Variants in RUNX1T1 observed in about 807,000 individuals in gnomAD.
The protein encoded by RUNX1T1 is protein CBFA2T1.
RUNX1T1 carries 4 observed loss-of-function variants against 62.8 expected under a neutral mutation model. The observed-to-expected ratio is 0.06, with a 90% confidence interval of 0.03 to 0.15. The LOEUF (loss-of-function observed/expected upper bound fraction) is 0.15, where lower values mean the gene tolerates loss of function less well. RUNX1T1 is among the 10% of genes least tolerant of loss of function. The pLI is 1.00. For synonymous variants in RUNX1T1, 291 were observed against 286.0 expected (o/e 1.02, Z -0.18); for missense variants, 508 against 754.3 (o/e 0.67, Z 3.82).
At chr8:91,973,275 G>T (rs1036310186) in intron 9 of RUNX1T1, among the ~76,000 whole-genome samples, 3 of 151,732 alleles carry the variant, frequency 2.0e-5, no homozygotes, top group African/African-American at 7.3e-5. Flanking sequence ...AGAAGAGGAT[G>T]AAAGGGAGGA....
At chr8:92,100,417 TTAA>T (rs1250926643), upstream of RUNX1T1, among the ~76,000 whole-genome samples, 4 of 152,242 alleles carry the variant, frequency 2.6e-5, no homozygotes, top group African/African-American at 4.8e-5. Flanking sequence ...AATAAAATTA[TTAA>T]TGACTGAACA....
intron 1 of RUNX1T1, among the ~76,000 whole-genome samples, chr8:92,036,644 A>G (rs919548328): frequency 6.6e-6 from 1 of 152,232 alleles, no homozygotes; most frequent in African/African-American, 2.4e-5. Context: ...CTGAAGCCTA[A>G]TAAACCATTA....
chr8:92,089,240 C>G (rs1433263801), intron 1 of RUNX1T1, among the ~76,000 whole-genome samples: 1 of 152,140 alleles, frequency 6.6e-6, no homozygotes, highest in Non-Finnish European at 1.5e-5. Context: ...AAATTAGAAT[C>G]AAATCTCTAA....
chr8:92,103,104 G>T (rs1351191553), upstream of RUNX1T1: 1 of 416,552 alleles, frequency 2.4e-6, no homozygotes, highest in African/African-American at 2.1e-5. Flanking sequence ...CCCGGGGTCG[G>T]GGACGCCAGC....
Position 91,960,211 on chromosome 8 carries a change from T to C in RUNX1T1, c.*31A>G, listed in dbSNP as rs763272835. The C allele has an allele frequency of 2.5e-6, 4 of 1,592,636 alleles. No individual in the cohort carries two copies. The South Asian group carries it at 3.4e-5, about 14-fold the overall frequency. ...GGAATTGGTTTCGCGTTGGTTGTGT[T>C]GTCTTTCCTCCGACAGTTCTGAGTT... On this transcript the variant is annotated 3_prime_UTR_variant, in exon 11 of 11. Transcript: ENST00000396218.
intron 1 of RUNX1T1, among the ~76,000 whole-genome samples, chr8:92,023,917 G>A (rs547566712): frequency 4.6e-5 from 7 of 152,218 alleles, no homozygotes; most frequent in South Asian, 2.1e-4. Flanking sequence ...TATATTTAGA[G>A]TTGAGGGTAG....
chr8:92,091,411 T>A (rs931412481), intron 1 of RUNX1T1, among the ~76,000 whole-genome samples: 4 of 152,184 alleles, frequency 2.6e-5, no homozygotes, highest in African/African-American at 9.7e-5. Context: ...AACAAGCAGG[T>A]CTTACACTTT....
chr8:92,007,847 T>C (rs1242579844), intron 4 of RUNX1T1, among the ~76,000 whole-genome samples: 3 of 151,804 alleles, frequency 2.0e-5, no homozygotes, highest in African/African-American at 4.8e-5. Context: ...CCCATGCCTA[T>C]AGTCCCTGCT....
chr8:92,064,197 A>G (rs1322523942), upstream of RUNX1T1, among the ~76,000 whole-genome samples: 1 of 152,208 alleles, frequency 6.6e-6, no homozygotes, highest in Non-Finnish European at 1.5e-5. Context: ...TATTCTCTTG[A>G]TAAACAGTGT....
chr8:92,101,066 A>G (rs78097917), upstream of RUNX1T1, among the ~76,000 whole-genome samples: 3 of 152,324 alleles, frequency 2.0e-5, no homozygotes, highest in African/African-American at 7.2e-5. Context: ...CTGGGCACAG[A>G]CCCAGTTCCA....
intron 2 of RUNX1T1, among the ~76,000 whole-genome samples, chr8:92,016,235 G>T (rs1443371696): frequency 1.3e-5 from 2 of 152,158 alleles, no homozygotes; most frequent in African/African-American, 4.8e-5. Context: ...GAAATACACA[G>T]GAAAGAATGG....
intron 8 of RUNX1T1, chr8:91,979,907 G>A (rs1485977136): frequency 5.7e-6 from 3 of 527,962 alleles, no homozygotes; most frequent in Non-Finnish European, 1.1e-5. Flanking sequence ...TCAAAGCTGG[G>A]CAGCACCTAG....
At position 92,031,388 on chromosome 8, in the gene RUNX1T1, C is replaced by G. The variant is rs997259496; in HGVS notation, c.8-14025G>C. ...TTTTACAAATGTTTTAAAAGTTAAT[C>G]TGAAATAAAAATGAAAATAACCAGG... On this transcript the variant is annotated intron_variant, in intron 1 of 10. Coordinates refer to ENST00000396218, the Ensembl canonical transcript of RUNX1T1. 3.9e-5 allele frequency among the ~76,000 whole-genome samples: 6 copies of G among 151,958 alleles called. No individual in the cohort carries two copies. In the East Asian group the frequency reaches 1.2e-3, roughly 29 times the overall value.
intron 2 of RUNX1T1, among the ~76,000 whole-genome samples, chr8:92,073,832 G>T (rs879690205): frequency 6.6e-6 from 1 of 152,142 alleles, no homozygotes; most frequent in Non-Finnish European, 1.5e-5. Flanking sequence ...AAGTAGCTGG[G>T]ACTACAGGCA....
At chr8:92,067,225 C>T (rs186185742), upstream of RUNX1T1, among the ~76,000 whole-genome samples, 19 of 152,320 alleles carry the variant, frequency 1.2e-4, no homozygotes, top group Admixed American at 1.2e-3. Flanking sequence ...ATTATACAGA[C>T]ATTACAGACG....
chr8:92,084,914 T>C (rs1835861494), intron 1 of RUNX1T1, among the ~76,000 whole-genome samples: 2 of 152,196 alleles, frequency 1.3e-5, no homozygotes, highest in African/African-American at 2.4e-5. Flanking sequence ...AAGCATTTGC[T>C]GAATGAAGAA....
At chr8:91,996,169 GTTTTA>G (rs1055788789) in intron 5 of RUNX1T1, among the ~76,000 whole-genome samples, 9 of 152,104 alleles carry the variant, frequency 5.9e-5, no homozygotes, top group East Asian at 3.9e-4. Flanking sequence ...ATTTCTGAAA[GTTTTA>G]TTTTATTTGT....
At chr8:92,051,891 T>C (rs1830309017) in intron 1 of RUNX1T1, among the ~76,000 whole-genome samples, 2 of 142,804 alleles carry the variant, frequency 1.4e-5, no homozygotes, top group Non-Finnish European at 3.1e-5. Flanking sequence ...TCATGCTCTT[T>C]AAAAAAAAAA....
chr8:92,017,110 C>A, intron 2 of RUNX1T1, 116 bp downstream of exon 3: 1 of 766,488 alleles, frequency 1.3e-6, no homozygotes, highest in South Asian at 1.9e-5. Context: ...TTTTTTGGTT[C>A]ATTTCTGCAT....
Sources: gnomAD v4.1 joint callset for allele counts (sites outside exome capture counted in the v4.1 genomes callset) on GRCh38, gnomAD v4.1.1 for gene constraint, MANE v1.5 for transcripts, NCBI Gene and HGNC (gene_info 2026-07-23, HGNC 2026-07-21) for gene names.